MYO6: variants seen among roughly 807,000 people sequenced by gnomAD.
MYO6 encodes unconventional myosin-VI.
Under a neutral mutation model 178.7 loss-of-function variants are expected in MYO6, and 74 were observed. The observed-to-expected ratio is 0.41, with a 90% CI of 0.34 to 0.50. MYO6 has a LOEUF of 0.50. Among genes scored for constraint, MYO6 ranks in the 20% least tolerant of loss-of-function variants. The pLI, the probability that MYO6 is intolerant of heterozygous loss-of-function variation, is 0.09. For missense variants in MYO6, 1,330 were observed against 1,547.4 expected, an observed-to-expected ratio of 0.86 and a Z score of 2.36; for synonymous variants, 477 against 504.6, an observed-to-expected ratio of 0.95 and a Z score of 0.73.
intron 25 of MYO6, 50 bp from the exon 26 acceptor site, chr6:75,890,007 G>A (rs1423273815): frequency 7.8e-7 from 1 of 1,285,820 alleles, no homozygotes; most frequent in East Asian, 2.3e-5. Flanking sequence ...ACATTGTTGT[G>A]CAACAGAAGA....
At chr6:75,860,452 T>C (rs1219830112) in intron 14 of MYO6, among the ~76,000 whole-genome samples, 1 of 152,216 alleles carries the variant, frequency 6.6e-6, no homozygotes, top group Non-Finnish European at 1.5e-5. Context: ...AAACTTTATC[T>C]AGAAATATTG....
chr6:75,772,476 A>G (rs987033224), intron 1 of MYO6, among the ~76,000 whole-genome samples: 7 of 152,198 alleles, frequency 4.6e-5, no homozygotes, highest in Admixed American at 1.3e-4. Context: ...AATATAAAGG[A>G]AACATTTTAC....
chr6:75,808,020 T>C (rs533456941), intron 1 of MYO6, among the ~76,000 whole-genome samples: 3 of 152,256 alleles, frequency 2.0e-5, no homozygotes, highest in Non-Finnish European at 4.4e-5. Context: ...GCCTCGTCTT[T>C]ATCTTCTATA....
chr6:75,915,752 C>T lies in MYO6; in HGVS notation c.*740C>T, dbSNP rs138942433. ...AAAGGAAATTCAGATTGTTTAAATGCCTAAAAGTTTTGAGATAAGTTTTGT... is the reference window on the plus strand; with the variant it reads ...AAAGGAAATTCAGATTGTTTAAATGTCTAAAAGTTTTGAGATAAGTTTTGT... On this transcript the variant is annotated 3_prime_UTR_variant, in exon 35 of 35. Coordinates refer to ENST00000369977, the MANE Select transcript of MYO6 (RefSeq NM_004999.4). 1 of 152,638 alleles carries T rather than the reference C, an allele frequency of 6.6e-6. No individual in the cohort carries two copies. The highest frequency in any genetic ancestry group is 1.9e-4 in the East Asian group (1 of 5,188). The allele number at this position is 152,638 out of a possible 1,614,324, so 9.5% of individuals were successfully genotyped here.
At chr6:75,835,239 C>G (rs1453502637) in intron 6 of MYO6, among the ~76,000 whole-genome samples, 3 of 151,950 alleles carry the variant, frequency 2.0e-5, no homozygotes, top group African/African-American at 7.3e-5. Context: ...AGAACATTCC[C>G]AAAACAATTT....
At chr6:75,778,699 C>T (rs1766641137) in intron 1 of MYO6, among the ~76,000 whole-genome samples, 1 of 151,742 alleles carries the variant, frequency 6.6e-6, no homozygotes, top group African/African-American at 2.4e-5. Context: ...CTCCTAATTA[C>T]TTCTGTTGCC....
At chr6:75,899,067 AC>A in intron 30 of MYO6, among the ~76,000 whole-genome samples, 1 of 152,274 alleles carries the variant, frequency 6.6e-6, no homozygotes, top group Non-Finnish European at 1.5e-5. Context: ...TCAGCAAATT[AC>A]CCCTTTACTA....
At chr6:75,758,977 C>T (rs1582983504) in intron 1 of MYO6, among the ~76,000 whole-genome samples, 1 of 151,604 alleles carries the variant, frequency 6.6e-6, no homozygotes, top group Non-Finnish European at 1.5e-5. Flanking sequence ...TCAAGCGATT[C>T]TAATGTCTCA....
chr6:75,758,717 C>T (rs145687774), intron 1 of MYO6, among the ~76,000 whole-genome samples: 1 of 152,278 alleles, frequency 6.6e-6, no homozygotes, highest in African/African-American at 2.4e-5. Context: ...CTCGGCCTCC[C>T]AGAGTGTTGG....
intron 1 of MYO6, among the ~76,000 whole-genome samples, chr6:75,772,351 T>A (rs1377978194): frequency 6.6e-6 from 1 of 152,076 alleles, no homozygotes; most frequent in Non-Finnish European, 1.5e-5. Flanking sequence ...GTCGCACAGT[T>A]TAAAGCCTTC....
chr6:75,754,332 C>A (rs1005221741), intron 1 of MYO6, among the ~76,000 whole-genome samples: 2 of 151,698 alleles, frequency 1.3e-5, no homozygotes, highest in African/African-American at 4.8e-5. Context: ...CCAGCCTGGG[C>A]AATGTGGTGA....
intron 1 of MYO6, among the ~76,000 whole-genome samples, chr6:75,805,908 A>G (rs994142605): frequency 6.6e-6 from 1 of 152,164 alleles, no homozygotes; most frequent in African/African-American, 2.4e-5. Context: ...TTTCCCTTAT[A>G]GTGAGTGAGT....
chr6:75,758,103 G>A (rs190183991), intron 1 of MYO6, among the ~76,000 whole-genome samples: 110 of 146,680 alleles, frequency 7.5e-4, no homozygotes, highest in Non-Finnish European at 1.2e-3. Flanking sequence ...TCAGCTTCCC[G>A]AGTAGCTGGG....
intron 30 of MYO6, among the ~76,000 whole-genome samples, chr6:75,906,185 A>G (rs1445743998): frequency 6.6e-6 from 1 of 151,982 alleles, no homozygotes; most frequent in African/African-American, 2.4e-5. Flanking sequence ...TTAGTTTAAT[A>G]TTTTGTGCCA....
intron 1 of MYO6, among the ~76,000 whole-genome samples, chr6:75,805,017 A>ATTTTTTTT (rs1321808540): frequency 3.3e-5 from 2 of 60,786 alleles, no homozygotes; most frequent in African/African-American, 1.1e-4. Flanking sequence ...ATATATATAT[A>ATTTTTTTT]TATATTTTTT....
At position 75,916,739 on chromosome 6, in the gene MYO6, T is replaced by G. The variant is rs546546723; in HGVS notation, c.*1727T>G. 6.6e-6 allele frequency: 1 copy of G among 152,392 alleles called. No individual in the cohort carries two copies. Among genetic ancestry groups the G allele is most frequent in the African/African-American group, 2.4e-5 (1 of 41,590 alleles). 9.4% of individuals were successfully genotyped at this position (152,392 alleles called of 1,614,324 possible). ...CCAAATTGTTTTTTAATGACATGTC[T>G]CTTTAGTACAATAGTTTTGTGTATC... On this transcript the variant is annotated 3_prime_UTR_variant, in exon 35 of 35. Transcript: ENST00000369977.
At chr6:75,758,625 TA>T (rs892121867) in intron 1 of MYO6, among the ~76,000 whole-genome samples, 1 of 152,018 alleles carries the variant, frequency 6.6e-6, no homozygotes, top group African/African-American at 2.4e-5. Flanking sequence ...CACGCCCAGC[TA>T]ATTTTTCTTA....
At chr6:75,858,807 A>T in intron 13 of MYO6, 95 bp from the exon 14 acceptor site, 2 of 749,788 alleles carry the variant, frequency 2.7e-6, no homozygotes, top group Non-Finnish European at 4.5e-6. Flanking sequence ...ACCTAATTTT[A>T]AATTAAGCCA....
intron 33 of MYO6, 52 bp downstream of exon 33, chr6:75,911,750 C>G (rs761232182): frequency 6.5e-7 from 1 of 1,534,140 alleles, no homozygotes; most frequent in Non-Finnish European, 9.0e-7. Flanking sequence ...GGTTAAAATA[C>G]TTTACAAAGT....
Sources: allele counts gnomAD v4.1 joint callset (sites outside exome capture counted in the v4.1 genomes callset), GRCh38; gene constraint gnomAD v4.1.1; transcripts MANE v1.5; gene names NCBI Gene and HGNC (gene_info 2026-07-23, HGNC 2026-07-21).